The following NBPF3 variants were observed in gnomAD, a reference collection of about 807,000 sequenced individuals.
NBPF3 encodes NBPF member 3.
NBPF3 carries 57 observed loss-of-function variants against 78.1 expected under a neutral mutation model. The ratio of observed to expected loss-of-function variants is 0.73; its 90% CI spans 0.59 to 0.91. NBPF3 has a LOEUF of 0.91. NBPF3 is among the 40% of genes least tolerant of loss of function. The pLI, the probability that NBPF3 is intolerant of heterozygous loss-of-function variation, is 0.00. For synonymous variants in NBPF3, 182 were observed against 271.7 expected, an observed-to-expected ratio of 0.67 and a Z score of 3.25; for missense variants, 510 against 715.3, an observed-to-expected ratio of 0.71 and a Z score of 3.27.
intron 7 of NBPF3, among the ~76,000 whole-genome samples, chr1:21,474,210 C>T (rs1195366332): frequency 6.9e-6 from 1 of 143,890 alleles, no homozygotes; most frequent in Admixed American, 7.0e-5. Context: ...TTTTCTTTTT[C>T]TTTTTTTTTT....
rs1642441419 is a variant in NBPF3 at position 21,469,028 on chromosome 1, T to C, written c.343+131T>C. The C allele has an allele frequency of 1.7e-4, 127 of 767,900 alleles. No homozygotes were observed. In the South Asian group the frequency reaches 2.1e-3, roughly 13 times the overall value. The allele number at this position is 767,900 out of a possible 1,614,324, so 47.6% of individuals were successfully genotyped here. A position where few individuals can be genotyped will look rare whatever the true frequency, so the allele number is the denominator to read the frequency against. On this transcript the variant is annotated intron_variant, in intron 3 of 14. Transcript: ENST00000318249. ...CTTCTAGGAAAATAGAAATGGGCAT[T>C]TTCACATTTTGTTAAATTGGGAAGT...
chr1:21,458,466 G>A (rs1470881093), intron 2 of NBPF3, among the ~76,000 whole-genome samples: 9 of 151,260 alleles, frequency 6.0e-5, no homozygotes, highest in Admixed American at 2.6e-4. Context: ...GGCCTGCCAC[G>A]TATGGATGCT....
At chr1:21,469,142 C>T (rs957007826) in intron 3 of NBPF3, among the ~76,000 whole-genome samples, 1 of 152,156 alleles carries the variant, frequency 6.6e-6, no homozygotes, top group Admixed American at 6.5e-5. Flanking sequence ...TCATTTGGGA[C>T]ACAGGCACAG....
chr1:21,472,186 A>C (rs1642636258), intron 5 of NBPF3, among the ~76,000 whole-genome samples: 1 of 152,082 alleles, frequency 6.6e-6, no homozygotes, highest in Admixed American at 6.5e-5. Flanking sequence ...ATCCTTCCTG[A>C]GTTTCTCTGT....
At chr1:21,455,061 G>A (rs916398157) in intron 2 of NBPF3, among the ~76,000 whole-genome samples, 2 of 152,124 alleles carry the variant, frequency 1.3e-5, no homozygotes, top group Admixed American at 1.3e-4. Flanking sequence ...GGGGCCTCTC[G>A]CTGCTCCTAG....
chr1:21,449,901 AT>A (rs1641207277), intron 2 of NBPF3: 2 of 574,496 alleles, frequency 3.5e-6, no homozygotes, highest in Admixed American at 6.5e-5. Flanking sequence ...TGAGGGCAAT[AT>A]TTTTACTGTA....
At position 21,471,596 on chromosome 1, in the gene NBPF3, G is replaced by A; in HGVS notation, c.474G>A (p.Gln158=). 2 of 1,612,122 alleles carry A rather than the reference G, an allele frequency of 1.2e-6. No homozygotes were observed. Residue 158 remains glutamine (Q), a synonymous_variant, in exon 5 of 15, where the codon CAG becomes CAA. Coordinates refer to ENST00000318249, the MANE Select transcript of NBPF3 (RefSeq NM_032264.6). ...LRQYKVLVHS[Q]ERELTQLREK... is the part of the protein sequence containing the mutation. ...AATATAAAGTCCTGGTTCACTCTCA[G>A]GAACGAGAGCTGACCCAGTTAAGGG... is the stretch of plus-strand genomic sequence containing the variant.
At chr1:21,438,034 G>T (rs1458537777), upstream of NBPF3, among the ~76,000 whole-genome samples, 2 of 152,002 alleles carry the variant, frequency 1.3e-5, no homozygotes, top group African/African-American at 2.4e-5. Context: ...TGGTCAGGCT[G>T]GTCTTGAACT....
At chr1:21,463,980 G>A (rs535562124) in intron 2 of NBPF3, among the ~76,000 whole-genome samples, 3 of 152,284 alleles carry the variant, frequency 2.0e-5, no homozygotes, top group Non-Finnish European at 2.9e-5. Context: ...GGAGAATATC[G>A]AATTCTCATA....
chr1:21,473,517 A>G lies in NBPF3; in HGVS notation c.872A>G (p.Gln291Arg). The G allele has an allele frequency of 6.2e-7, 1 of 1,614,208 alleles. No homozygotes were observed. Among genetic ancestry groups the G allele is most frequent in the Admixed American group, 1.7e-5 (1 of 60,026 alleles). Residue 291 changes from glutamine to arginine, a missense_variant, in exon 7 of 15, where the codon CAA becomes CGA. Transcript: ENST00000318249. The part of the protein sequence containing the change: ...GNTRITFEED[Q>R]VDSTLIDSSS... ...ACCAGAATCACATTTGAGGAAGACCAAGTCGACTCAACTCTCATTGACTCA... is the reference window on the plus strand; with the variant it reads ...ACCAGAATCACATTTGAGGAAGACCGAGTCGACTCAACTCTCATTGACTCA...
Position 21,478,134 on chromosome 1 carries a change from G to A in NBPF3, c.993-10G>A, listed in dbSNP as rs772473972. 2 of 1,613,710 alleles carry A rather than the reference G, an allele frequency of 1.2e-6. No individual in the cohort carries two copies. The highest frequency in any genetic ancestry group is 8.5e-7 in the Non-Finnish European group (1 of 1,180,028). On this transcript the variant is annotated splice_polypyrimidine_tract_variant and intron_variant, in intron 8 of 14. Coordinates refer to ENST00000318249, the MANE Select transcript of NBPF3 (RefSeq NM_032264.6). ...ATCTTCTGTCATCCCTGTCCTGCCTGGCTCATCAGGAATCTGCAGGAGTCT... is the reference window on the plus strand; with the variant it reads ...ATCTTCTGTCATCCCTGTCCTGCCTAGCTCATCAGGAATCTGCAGGAGTCT...
chr1:21,462,285 T>C (rs1641994012), intron 2 of NBPF3, among the ~76,000 whole-genome samples: 1 of 152,224 alleles, frequency 6.6e-6, no homozygotes, highest in African/African-American at 2.4e-5. Flanking sequence ...ATTTGGGGAA[T>C]GAGTATTGAC....
intron 2 of NBPF3, among the ~76,000 whole-genome samples, chr1:21,451,228 T>G (rs1641293069): frequency 1.3e-5 from 2 of 152,376 alleles, no homozygotes; most frequent in South Asian, 2.1e-4. Context: ...ATTCTTGTAT[T>G]GACAGATACT....
chr1:21,457,569 A>G (rs1316965670), intron 2 of NBPF3, among the ~76,000 whole-genome samples: 1 of 152,180 alleles, frequency 6.6e-6, no homozygotes, highest in Admixed American at 6.5e-5. Context: ...AGATCAATGA[A>G]TACAACTTGA....
intron 1 of NBPF3, among the ~76,000 whole-genome samples, chr1:21,443,797 G>A (rs1031264554): frequency 1.3e-5 from 2 of 152,016 alleles, no homozygotes; most frequent in African/African-American, 4.8e-5. Flanking sequence ...CCTTTTTGTA[G>A]ACAGGGTTTT....
rs1427580395 is a variant in NBPF3 at position 21,484,491 on chromosome 1, C to T, written c.*1105C>T. On this transcript the variant is annotated 3_prime_UTR_variant, in exon 15 of 15. Transcript: ENST00000318249. The stretch of plus-strand genomic sequence containing the variant: ...CGTTTCATCAAGAACACTACAGAGT[C>T]GATACTGTGAGTTTCCAACCTCAGC... 2.2e-5 allele frequency: 2 copies of T among 92,596 alleles called. No individual in the cohort carries two copies. Among genetic ancestry groups the T allele is most frequent in the Middle Eastern group, 5.8e-3 (1 of 172 alleles). 5.7% of individuals were successfully genotyped at this position (92,596 alleles called of 1,614,324 possible). A position where few individuals can be genotyped will look rare whatever the true frequency, so the allele number is the denominator to read the frequency against.
intron 4 of NBPF3, among the ~76,000 whole-genome samples, 160 bp downstream of exon 4, chr1:21,470,894 G>GGAT (rs1422076743): frequency 4.6e-5 from 7 of 152,118 alleles, no homozygotes; most frequent in African/African-American, 1.7e-4. Context: ...CAGAGAACAA[G>GGAT]GATAATAATA....
At chr1:21,466,724 A>G (rs1642289381) in intron 2 of NBPF3, among the ~76,000 whole-genome samples, 1 of 151,538 alleles carries the variant, frequency 6.6e-6, no homozygotes, top group Non-Finnish European at 1.5e-5. Flanking sequence ...TTCTTCCAGC[A>G]TCACAAAAAC....
intron 2 of NBPF3, among the ~76,000 whole-genome samples, chr1:21,465,274 CTG>C (rs1642197327): frequency 2.6e-5 from 4 of 152,376 alleles, no homozygotes; most frequent in African/African-American, 7.2e-5. Flanking sequence ...ATCCCATAAA[CTG>C]TAAGGTCAAT....
Sources: allele counts gnomAD v4.1 joint callset (sites outside exome capture counted in the v4.1 genomes callset), GRCh38; gene constraint gnomAD v4.1.1; transcripts MANE v1.5; gene names NCBI Gene and HGNC (gene_info 2026-07-23, HGNC 2026-07-21).